CNTNAP4: variants seen among roughly 807,000 people sequenced by gnomAD.
CNTNAP4 encodes the protein contactin-associated protein-like 4.
CNTNAP4 carries 98 observed loss-of-function variants against 148.4 expected under a neutral mutation model. The ratio of observed to expected loss-of-function variants is 0.66; its 90% confidence interval spans 0.56 to 0.78. The LOEUF is 0.78. Among genes scored for constraint, CNTNAP4 ranks in the 30% least tolerant of loss-of-function variants. CNTNAP4 has a pLI of 0.00. For missense variants in CNTNAP4, 1,935 were observed against 1,565.6 expected, an observed-to-expected ratio of 1.24 and a Z score of -3.98; for synonymous variants, 730 against 565.1, an observed-to-expected ratio of 1.29 and a Z score of -4.14.
Position 76,470,482 on chromosome 16 carries a change from A to AATATATATATATATATATATATATAT in CNTNAP4, c.1655+2974_1655+2975insTATATATATATATATATATATATATA, listed in dbSNP as rs67354977. Among the ~76,000 whole-genome samples the AATATATATATATATATATATATATAT allele has an allele frequency of 4.5e-3, 434 of 96,828 alleles. 21 individuals are homozygous for AATATATATATATATATATATATATAT. Among genetic ancestry groups the AATATATATATATATATATATATATAT allele is most frequent in the African/African-American group, 0.018 (370 of 21,000 alleles). 63.5% of individuals were successfully genotyped at this position (96,828 alleles called of 152,430 possible). ...ATAGCAAAACCACGTCTCTACTAAT[A>AATATATATATATATATATATATATAT]ATATATATATATATAAAATTAGTCG... On this transcript the variant is annotated intron_variant, in intron 10 of 23. Coordinates refer to ENST00000611870, the MANE Select transcript of CNTNAP4 (RefSeq NM_033401.5).
intron 3 of CNTNAP4, among the ~76,000 whole-genome samples, chr16:76,374,430 T>G (rs1200845418): frequency 6.6e-6 from 1 of 152,198 alleles, no homozygotes; most frequent in Admixed American, 6.5e-5. Flanking sequence ...TATATCACTT[T>G]GAAAATCAAT....
At chr16:76,485,810 G>T (rs1159047087) in intron 12 of CNTNAP4, among the ~76,000 whole-genome samples, 1 of 152,098 alleles carries the variant, frequency 6.6e-6, no homozygotes, top group Non-Finnish European at 1.5e-5. Context: ...AGCTATGAGG[G>T]TTAATACATA....
chr16:76,412,453 A>G lies in CNTNAP4; in HGVS notation c.391-14999A>G, dbSNP rs2078833030. 2.6e-5 allele frequency among the ~76,000 whole-genome samples: 4 copies of G among 151,528 alleles called. No homozygotes were observed. In the South Asian group the frequency reaches 8.3e-4, roughly 31 times the overall value. On this transcript the variant is annotated intron_variant, in intron 3 of 23. Coordinates refer to ENST00000611870, the MANE Select transcript of CNTNAP4 (RefSeq NM_033401.5). ...ACTAATTTTAATGGAAATTATACCA[A>G]TTTATATTCTCAACAGCAGTGTATT...
chr16:76,348,222 A>C (rs377024889), intron 2 of CNTNAP4, among the ~76,000 whole-genome samples: 7 of 151,214 alleles, frequency 4.6e-5, no homozygotes, highest in East Asian at 2.0e-4. Flanking sequence ...AACTGGAAGG[A>C]TAAGATTACC....
chr16:76,473,014 A>T (rs890856869), intron 10 of CNTNAP4, among the ~76,000 whole-genome samples: 1 of 152,158 alleles, frequency 6.6e-6, no homozygotes, highest in Admixed American at 6.5e-5. Flanking sequence ...AGAGGGGGGA[A>T]GCCTTCTCTG....
At chr16:76,410,008 A>G (rs2078736865) in intron 3 of CNTNAP4, among the ~76,000 whole-genome samples, 1 of 152,030 alleles carries the variant, frequency 6.6e-6, no homozygotes, top group African/African-American at 2.4e-5. Flanking sequence ...CTTATCTCCA[A>G]TTTATAGATA....
intron 6 of CNTNAP4, among the ~76,000 whole-genome samples, chr16:76,449,340 G>C (rs2080367947): frequency 1.3e-5 from 2 of 152,094 alleles, no homozygotes; most frequent in African/African-American, 4.8e-5. Flanking sequence ...CCAACAAATT[G>C]ATTAATTAAT....
intron 13 of CNTNAP4, among the ~76,000 whole-genome samples, chr16:76,493,224 T>G (rs2082287390): frequency 6.6e-6 from 1 of 152,146 alleles, no homozygotes; most frequent in Admixed American, 6.5e-5. Context: ...ATTTGGAGTT[T>G]CAGATCTTGG....
intron 8 of CNTNAP4, among the ~76,000 whole-genome samples, chr16:76,461,596 A>T (rs2080964948): frequency 6.6e-6 from 1 of 152,236 alleles, no homozygotes; most frequent in African/African-American, 2.4e-5. Flanking sequence ...GTTATAAAAC[A>T]GTGCAAAGTA....
intron 9 of CNTNAP4, 75 bp downstream of exon 9, chr16:76,462,180 T>C: frequency 7.6e-7 from 1 of 1,309,416 alleles, no homozygotes; most frequent in African/African-American, 1.5e-5. Flanking sequence ...GGCGAAGTCA[T>C]CATGTTTTAA....
At chr16:76,471,573 C>A (rs956124267) in intron 10 of CNTNAP4, among the ~76,000 whole-genome samples, 5 of 152,146 alleles carry the variant, frequency 3.3e-5, no homozygotes, top group Admixed American at 2.6e-4. Flanking sequence ...CTCCAGCCTC[C>A]ATGGCACCGT....
intron 15 of CNTNAP4, among the ~76,000 whole-genome samples, chr16:76,502,738 C>G (rs570575365): frequency 6.6e-6 from 1 of 151,896 alleles, no homozygotes; most frequent in East Asian, 1.9e-4. Flanking sequence ...TGGGGATGAT[C>G]TCCAGCTTTC....
chr16:76,422,340 T>G lies in CNTNAP4; in HGVS notation c.391-5112T>G, dbSNP rs369722852. Among the ~76,000 whole-genome samples the G allele has an allele frequency of 2.2e-3, 288 of 132,718 alleles. 1 individual carries two copies. Among genetic ancestry groups the G allele is most frequent in the African/African-American group, 7.3e-3 (259 of 35,314 alleles). 87.1% of individuals were successfully genotyped at this position (132,718 alleles called of 152,430 possible). On this transcript the variant is annotated intron_variant, in intron 3 of 23. Coordinates refer to ENST00000611870, the MANE Select transcript of CNTNAP4 (RefSeq NM_033401.5). Reference sequence around the variant, plus strand: ...GGTTACTATTTATATGCAAGAGTCTTATTGATTATTCAATGTTTATCATTT... The same window carrying G: ...GGTTACTATTTATATGCAAGAGTCTGATTGATTATTCAATGTTTATCATTT...
rs142575528 is a variant in CNTNAP4 at position 76,461,990 on chromosome 16, C to T, written c.1368C>T (p.Val456=). The T allele has an allele frequency of 1.9e-6, 3 of 1,613,736 alleles. No homozygotes were observed. The highest frequency in any genetic ancestry group is 2.7e-5 in the African/African-American group (2 of 74,926). The change falls in exon 9 of 24, where the codon GTC becomes GTT. Residue 456 remains valine (V), a synonymous_variant. Transcript: ENST00000611870. ...TAAATGATGGGCAGTGGCATTCTGT[C>T]TCTTTATCTGCTAAAAAGAATCACT... ...VELNDGQWHS[V]SLSAKKNHLS...
chr16:76,521,438 C>A, intron 16 of CNTNAP4, 128 bp downstream of exon 16: 1 of 677,060 alleles, frequency 1.5e-6, no homozygotes, highest in Non-Finnish European at 2.3e-6. Flanking sequence ...CTTTGAAAAA[C>A]TCAATAATAT....
chr16:76,543,284 T>A (rs1444293840), intron 21 of CNTNAP4, among the ~76,000 whole-genome samples: 2 of 152,224 alleles, frequency 1.3e-5, no homozygotes, highest in Non-Finnish European at 2.9e-5. Context: ...TGGTCAAATT[T>A]TGTGTGGTAT....
chr16:76,339,747 C>T (rs753613244), intron 2 of CNTNAP4, among the ~76,000 whole-genome samples: 12 of 152,172 alleles, frequency 7.9e-5, no homozygotes, highest in Non-Finnish European at 1.6e-4. Context: ...ACAATAACAG[C>T]TCAACTAATG....
chr16:76,549,924 C>G (rs1290064850), intron 21 of CNTNAP4, among the ~76,000 whole-genome samples: 1 of 152,026 alleles, frequency 6.6e-6, no homozygotes, highest in Non-Finnish European at 1.5e-5. Flanking sequence ...AAATTCCAAG[C>G]TAAATAAAAA....
rs781628799 is a variant in CNTNAP4, at chr16:76,449,872, T to C, written c.1071+14T>C. 5.7e-6 allele frequency: 9 copies of C among 1,588,050 alleles called. No homozygotes were observed. Among genetic ancestry groups the C allele is most frequent in the Non-Finnish European group, 7.7e-6 (9 of 1,170,732 alleles). On this transcript the variant is annotated intron_variant, in intron 7 of 23. Coordinates refer to ENST00000611870, the MANE Select transcript of CNTNAP4 (RefSeq NM_033401.5). The stretch of plus-strand genomic sequence containing the variant: ...ATCATTGCTATGGTGAGAGTCTTTA[T>C]GCGAAGACATTAGTAAAACTATATT...
Sources: allele counts gnomAD v4.1 joint callset (sites outside exome capture counted in the v4.1 genomes callset), GRCh38; gene constraint gnomAD v4.1.1; transcripts MANE v1.5; gene names NCBI Gene and HGNC (gene_info 2026-07-23, HGNC 2026-07-21).